BNC2: variants seen among roughly 807,000 people sequenced by gnomAD.
The protein encoded by BNC2 is basonuclin zinc finger protein 2.
In BNC2, 20 loss-of-function variants were observed where a neutral mutation model predicts 76.3. The ratio of observed to expected loss-of-function variants is 0.26; its 90% CI spans 0.18 to 0.38. The LOEUF is 0.38. BNC2 is among the 10% of genes least tolerant of loss of function. The pLI is 1.00. For synonymous variants in BNC2, 582 were observed against 514.8 expected, an observed-to-expected ratio of 1.13 and a Z score of -1.77; for missense variants, 1,382 against 1,399.8, an observed-to-expected ratio of 0.99 and a Z score of 0.20.
intron 3 of BNC2, among the ~76,000 whole-genome samples, chr9:16,630,807 T>TCGG (rs1821141034): frequency 6.8e-6 from 1 of 147,400 alleles, no homozygotes. Flanking sequence ...CGGTGCGATC[T>TCGG]CGGCTCACTG....
intron 1 of BNC2, among the ~76,000 whole-genome samples, chr9:16,783,223 AT>A (rs1826200913): frequency 6.6e-6 from 1 of 152,246 alleles, no homozygotes; most frequent in African/African-American, 2.4e-5. Context: ...CAAAGATCAG[AT>A]TCAGATGTTG....
At chr9:16,562,797 C>T (rs1362817614) in intron 4 of BNC2, among the ~76,000 whole-genome samples, 3 of 151,990 alleles carry the variant, frequency 2.0e-5, no homozygotes, top group Non-Finnish European at 4.4e-5. Flanking sequence ...CACATGGAAC[C>T]GTATTTATCA....
intron 5 of BNC2, among the ~76,000 whole-genome samples, chr9:16,460,374 A>G (rs1821548652): frequency 1.3e-5 from 2 of 151,978 alleles, no homozygotes; most frequent in African/African-American, 4.8e-5. Flanking sequence ...TGTAATCCTA[A>G]CACTTTGGGA....
chr9:16,470,473 T>A (rs985218575), intron 5 of BNC2, among the ~76,000 whole-genome samples: 6 of 152,200 alleles, frequency 3.9e-5, no homozygotes, highest in African/African-American at 1.4e-4. Context: ...AATGTCTCCA[T>A]GCCATGTCAG....
chr9:16,589,797 G>A (rs568918129), intron 3 of BNC2, among the ~76,000 whole-genome samples: 103 of 152,108 alleles, frequency 6.8e-4, no homozygotes, highest in African/African-American at 2.3e-3. Flanking sequence ...CGTAAGCCAC[G>A]GTGCCTGGCC....
chr9:16,548,941 C>T (rs1267017703), intron 5 of BNC2, among the ~76,000 whole-genome samples: 1 of 152,168 alleles, frequency 6.6e-6, no homozygotes, highest in African/African-American at 2.4e-5. Context: ...ACCCAACTGG[C>T]TAGCTTGTGA....
chr9:16,689,883 G>A (rs563826962), intron 3 of BNC2, among the ~76,000 whole-genome samples: 9 of 152,318 alleles, frequency 5.9e-5, no homozygotes, highest in African/African-American at 1.9e-4. Flanking sequence ...AGCTCACCAG[G>A]AGTCCCTGTG....
chr9:16,511,854 G>A (rs1235182398), intron 5 of BNC2, among the ~76,000 whole-genome samples: 1 of 152,128 alleles, frequency 6.6e-6, no homozygotes, highest in Non-Finnish European at 1.5e-5. Flanking sequence ...CAAGCACAAG[G>A]CCATCACACT....
intron 1 of BNC2, among the ~76,000 whole-genome samples, chr9:16,740,299 G>C (rs970819300): frequency 2.0e-5 from 3 of 152,180 alleles, no homozygotes; most frequent in Non-Finnish European, 4.4e-5. Context: ...AATCAGAATA[G>C]TGCTTAAGGA....
intron 1 of BNC2, among the ~76,000 whole-genome samples, chr9:16,799,390 C>A (rs1331108969): frequency 6.6e-6 from 1 of 152,128 alleles, no homozygotes; most frequent in Non-Finnish European, 1.5e-5. Context: ...CCTCAGCTCA[C>A]TGCAACCTCC....
At chr9:16,686,942 A>G (rs940764781) in intron 3 of BNC2, among the ~76,000 whole-genome samples, 1 of 152,176 alleles carries the variant, frequency 6.6e-6, no homozygotes, top group African/African-American at 2.4e-5. Flanking sequence ...TGAAGTTTAC[A>G]ACCACTCTTT....
chr9:16,781,054 TC>T (rs1358130976), intron 1 of BNC2, among the ~76,000 whole-genome samples: 1 of 152,094 alleles, frequency 6.6e-6, no homozygotes, highest in Non-Finnish European at 1.5e-5. Context: ...AAACGCTTTA[TC>T]CAGGGACTTC....
Position 16,727,994 on chromosome 9 carries a change from C to G in BNC2, c.133G>C (p.Glu45Gln), listed in dbSNP as rs751122043. Residue 45 changes from glutamate to glutamine, a missense_variant, in exon 3 of 7, where the codon GAA becomes CAA. By Grantham distance (29) the Glu-to-Gln change is conservative (BLOSUM62 2). Around this residue, in one of 3 missense-constraint regions of BNC2, gnomAD observed 557 missense variants for 540.9 expected, o/e 1.03. Coordinates refer to ENST00000380672, the MANE Select transcript of BNC2 (RefSeq NM_017637.6). ...TCTCTCACATCCACTTCTGCCTCTT[C>G]TGACTGAAAAGTGAAGGTGGATTTT... ...CGVDTSQIESEEAEVDVRERE... is the reference protein window; with the variant it reads ...CGVDTSQIESQEAEVDVRERE... 6.2e-7 allele frequency: 1 copy of G among 1,612,804 alleles called. No homozygotes were observed. The highest frequency in any genetic ancestry group is 8.5e-7 in the Non-Finnish European group (1 of 1,179,904).
chr9:16,572,908 G>C (rs926300474), intron 4 of BNC2, among the ~76,000 whole-genome samples: 6 of 152,026 alleles, frequency 3.9e-5, no homozygotes, highest in African/African-American at 1.5e-4. Context: ...CTCATACCTA[G>C]AGCCTACGAT....
chr9:16,609,798 T>G (rs1045722594), intron 3 of BNC2, among the ~76,000 whole-genome samples: 3 of 152,194 alleles, frequency 2.0e-5, no homozygotes, highest in Non-Finnish European at 4.4e-5. Flanking sequence ...CTCTTCCCCC[T>G]TGTCTCCAGT....
At chr9:16,805,451 C>T (rs1817884405) in intron 1 of BNC2, among the ~76,000 whole-genome samples, 2 of 151,962 alleles carry the variant, frequency 1.3e-5, no homozygotes, top group African/African-American at 2.4e-5. Context: ...CTTAGCCTCC[C>T]GAGTAGCTGG....
Position 16,738,374 on chromosome 9 carries a change from T to C in BNC2, c.115A>G (p.Thr39Ala), listed in dbSNP as rs1251937261. 2 of 1,614,024 alleles carry C rather than the reference T, an allele frequency of 1.2e-6. No individual in the cohort carries two copies. Among genetic ancestry groups the C allele is most frequent in the South Asian group, 2.2e-5 (2 of 91,070 alleles). ...YFKVPCCGVD[T>A]SQIESEEAEV... Reference sequence around the variant, plus strand: ...AACCAACATACCTCAATTTGAGATGTATCAACCCCACAACATGGGACCTTG... The same window carrying C: ...AACCAACATACCTCAATTTGAGATGCATCAACCCCACAACATGGGACCTTG... Residue 39 changes from threonine to alanine, a missense_variant, in exon 2 of 7, where the codon ACA (threonine) becomes GCA (alanine). Transcript: ENST00000380672.
chr9:16,797,868 A>C (rs1429071953), intron 1 of BNC2, among the ~76,000 whole-genome samples: 1 of 152,186 alleles, frequency 6.6e-6, no homozygotes, highest in Non-Finnish European at 1.5e-5. Flanking sequence ...TATCCCACCA[A>C]GAGAAGACTG....
chr9:16,842,712 T>C (rs1563966857), intron 1 of BNC2, among the ~76,000 whole-genome samples: 1 of 152,228 alleles, frequency 6.6e-6, no homozygotes, highest in Admixed American at 6.5e-5. Flanking sequence ...TCATTGTATT[T>C]TTTTTTTCTG....
Sources: allele counts gnomAD v4.1 joint callset (sites outside exome capture counted in the v4.1 genomes callset), GRCh38; gene constraint gnomAD v4.1.1; regional missense constraint gnomAD v4.1.1; transcripts MANE v1.5; gene names NCBI Gene and HGNC (gene_info 2026-07-23, HGNC 2026-07-21).